The following SP6 variants were observed in gnomAD, a reference collection of about 807,000 sequenced individuals.
The protein encoded by SP6 is Sp6 transcription factor.
In SP6, 10 loss-of-function variants were observed where a neutral mutation model predicts 23.4. That is an observed-to-expected ratio of 0.43 (90% CI 0.26 to 0.72). The LOEUF is 0.72. SP6 is among the 30% of genes least tolerant of loss of function. The pLI, the probability that SP6 is intolerant of heterozygous loss-of-function variation, is 0.23. For missense variants in SP6, 482 were observed against 523.8 expected (o/e 0.92, Z 0.78); for synonymous variants, 238 against 238.7 (o/e 1.00, Z 0.03).
At chr17:47,851,820 G>A (rs1166645475), upstream of SP6, among the ~76,000 whole-genome samples, 2 of 150,322 alleles carry the variant, frequency 1.3e-5, no homozygotes, top group African/African-American at 4.9e-5. Context: ...ATCCCTCTCT[G>A]ACCTTTCTGG....
rs922570269 is a variant in SP6 at position 47,847,705 on chromosome 17, G to T, written c.725C>A (p.Pro242Gln). Residue 242 changes from proline to glutamine, a missense_variant, in exon 2 of 2, where the codon CCA becomes CAA. Around this residue, in one of 3 missense-constraint regions of SP6, gnomAD observed 330 missense variants for 332.3 expected, o/e 0.99. Coordinates refer to ENST00000536300, the MANE Select transcript of SP6 (RefSeq NM_001258248.2). The stretch of plus-strand genomic sequence containing the variant: ...CTTCTTGCCCCCATCGGGCCCACAT[G>T]GAGCCCCCAGTCGCTCCGCCTCCAG... ...NCLEAERLGA[P>Q]CGPDGGKKKH... 1 of 1,603,788 alleles carries T rather than the reference G, an allele frequency of 6.2e-7. No homozygotes were observed. The highest frequency in any genetic ancestry group is 8.5e-7 in the Non-Finnish European group (1 of 1,174,052).
Position 47,848,196 on chromosome 17 carries a change from G to A in SP6, c.234C>T (p.Cys78=), listed in dbSNP as rs777556920. The part of the protein sequence containing the change: ...ELPGASSRVT[C]EDLESDSPLA... ...AGGGACTGTCGCTTTCCAGGTCCTCGCAGGTTACCCGCGAGGAGGCCCCTG... is the reference window on the plus strand; with the variant it reads ...AGGGACTGTCGCTTTCCAGGTCCTCACAGGTTACCCGCGAGGAGGCCCCTG... The change falls in exon 2 of 2, where the codon TGC becomes TGT. Residue 78 remains cysteine, a synonymous_variant. Transcript: ENST00000536300. The surrounding 1 kb of genome is among the most constrained non-coding windows in gnomAD (Gnocchi z 5.3). 6.2e-6 allele frequency: 10 copies of A among 1,612,906 alleles called. No homozygotes were observed. Among genetic ancestry groups the A allele is most frequent in the South Asian group, 1.1e-5 (1 of 91,082 alleles).
the SP6 span, chr17:47,864,410 G>A: frequency 6.6e-6 from 1 of 151,564 alleles, no homozygotes; most frequent in Non-Finnish European, 1.5e-5. Context: ...GACTACAGGT[G>A]CGCCACCACA....
upstream of SP6, among the ~76,000 whole-genome samples, chr17:47,860,557 T>C (rs62066132): frequency 0.12 from 18,451 of 152,110 alleles, 1,396 homozygotes; most frequent in Middle Eastern, 0.21. Context: ...CAGAGGTTGG[T>C]GAGTTCTCTA....
the SP6 span, among the ~76,000 whole-genome samples, chr17:47,871,672 G>A: frequency 6.6e-6 from 1 of 150,610 alleles, no homozygotes; most frequent in East Asian, 1.9e-4. Context: ...AGGCTGGAGT[G>A]CAGTGGCGTG....
At chr17:47,860,185 G>A (rs1014328125), upstream of SP6, among the ~76,000 whole-genome samples, 3 of 151,946 alleles carry the variant, frequency 2.0e-5, no homozygotes, top group Non-Finnish European at 4.4e-5. Context: ...ATATTTTCAC[G>A]CCCCACACTG....
At chr17:47,873,994 CTT>C in the SP6 span, among the ~76,000 whole-genome samples, 2 of 150,748 alleles carry the variant, frequency 1.3e-5, no homozygotes, top group Admixed American at 6.6e-5. Flanking sequence ...TCCTCTTCCT[CTT>C]TTTCTTCTCC....
Position 47,848,501 on chromosome 17 carries a change from G to A in SP6, c.-57-15C>T. 7.3e-7 allele frequency: 1 copy of A among 1,377,662 alleles called. No homozygotes were observed. Among genetic ancestry groups the A allele is most frequent in the South Asian group, 1.5e-5 (1 of 65,160 alleles). The allele number at this position is 1,377,662 out of a possible 1,614,324, so 85.3% of individuals were successfully genotyped here. A position where few individuals can be genotyped will look rare whatever the true frequency, so the allele number is the denominator to read the frequency against. ...TCAGACGGGACCTAAAGGAGGCGAA[G>A]AAGCAGAAAAGTAAGGGAAATAACC... On this transcript the variant is annotated splice_polypyrimidine_tract_variant and intron_variant, in intron 1 of 1. Transcript: ENST00000536300. The surrounding 1 kb of genome is among the most constrained non-coding windows in gnomAD (Gnocchi z 5.3).
upstream of SP6, among the ~76,000 whole-genome samples, chr17:47,860,687 G>A (rs2034029413): frequency 7.1e-6 from 1 of 140,480 alleles, no homozygotes; most frequent in Non-Finnish European, 1.5e-5. Flanking sequence ...AACATAGTAA[G>A]ACTCCGACTC....
At position 47,848,523 on chromosome 17, in the gene SP6, A is replaced by C; in HGVS notation, c.-57-37T>G. ...GAAGAAGCAGAAAAGTAAGGGAAAT[A>C]ACCAGCTCACTTTCCCTCCTAACCC... On this transcript the variant is annotated intron_variant, in intron 1 of 1. Coordinates refer to ENST00000536300, the MANE Select transcript of SP6 (RefSeq NM_001258248.2). This position sits in a 1 kb window ranked among gnomAD's most constrained non-coding sequence, Gnocchi z 5.3. 8.1e-7 allele frequency: 1 copy of C among 1,237,358 alleles called. No individual in the cohort carries two copies. Among genetic ancestry groups the C allele is most frequent in the Non-Finnish European group, 1.1e-6 (1 of 909,454 alleles). 76.6% of individuals were successfully genotyped at this position (1,237,358 alleles called of 1,614,324 possible).
chr17:47,867,020 G>T, the SP6 span, among the ~76,000 whole-genome samples: 1 of 152,148 alleles, frequency 6.6e-6, no homozygotes, highest in Non-Finnish European at 1.5e-5. Context: ...GGAATGGGCC[G>T]GGCTGGCAGG....
At chr17:47,862,423 G>A in the SP6 span, among the ~76,000 whole-genome samples, 27 of 148,068 alleles carry the variant, frequency 1.8e-4, no homozygotes, top group African/African-American at 6.3e-4. Context: ...CACGAGAATC[G>A]TTTGAACCTG....
chr17:47,874,082 C>T, the SP6 span, among the ~76,000 whole-genome samples: 3 of 150,906 alleles, frequency 2.0e-5, no homozygotes, highest in African/African-American at 7.3e-5. Context: ...CTTCCCTCCT[C>T]CTTCTTCTTC....
chr17:47,866,280 A>T, the SP6 span, among the ~76,000 whole-genome samples: 4,344 of 152,132 alleles, frequency 0.029, 204 homozygotes, highest in African/African-American at 0.099. Flanking sequence ...AGGGCAGGGA[A>T]GAAAGGTGGA....
At position 47,847,865 on chromosome 17, in the gene SP6, C is replaced by T. The variant is rs767064330; in HGVS notation, c.565G>A (p.Ala189Thr). Residue 189 changes from alanine (A) to threonine (T), a missense_variant, in exon 2 of 2, where the codon GCT (alanine) becomes ACT (threonine). By Grantham distance (58) the Ala-to-Thr change is moderately conservative. Coordinates refer to ENST00000536300, the MANE Select transcript of SP6 (RefSeq NM_001258248.2). Reference sequence around the variant, plus strand: ...GGGGCGGCTACTTCCAAGGCCTTAGCCCCGTCGGGCGGCCCTAGGAGATGC... The same window carrying T: ...GGGGCGGCTACTTCCAAGGCCTTAGTCCCGTCGGGCGGCCCTAGGAGATGC... ...GQHLLGPPDG[A>T]KALEVAAPES... 4.7e-5 allele frequency: 72 copies of T among 1,537,622 alleles called. No individual in the cohort carries two copies. The highest frequency in any genetic ancestry group is 5.9e-5 in the Non-Finnish European group (67 of 1,142,516).
At chr17:47,865,418 C>T in the SP6 span, among the ~76,000 whole-genome samples, 2 of 152,098 alleles carry the variant, frequency 1.3e-5, no homozygotes, top group African/African-American at 2.4e-5. Context: ...AAGAAGGTAC[C>T]GCTTGGCTCC....
the SP6 span, among the ~76,000 whole-genome samples, chr17:47,874,955 G>A: frequency 6.6e-6 from 1 of 152,030 alleles, no homozygotes; most frequent in Admixed American, 6.5e-5. Context: ...TTCCACAGGG[G>A]AGAGGGGCCT....
rs2033947418 is a variant in SP6 at position 47,850,901 on chromosome 17, C to G, written c.-58+18G>C. On this transcript the variant is annotated intron_variant, in intron 1 of 1. Transcript: ENST00000536300. ...CTCCGTAGCGCTCACCCCTGGCCACCCCGACCCGCGCTCCTACCTCGAGGC... is the reference window on the plus strand; with the variant it reads ...CTCCGTAGCGCTCACCCCTGGCCACGCCGACCCGCGCTCCTACCTCGAGGC... 6.6e-6 allele frequency: 1 copy of G among 152,358 alleles called. No individual in the cohort carries two copies. Among genetic ancestry groups the G allele is most frequent in the South Asian group, 2.1e-4 (1 of 4,836 alleles). The allele number at this position is 152,358 out of a possible 1,614,324, so 9.4% of individuals were successfully genotyped here. A position where few individuals can be genotyped will look rare whatever the true frequency, so the allele number is the denominator to read the frequency against.
In SP6 at chr17:47,848,016, C is replaced by G. The variant is rs750647938; in HGVS notation, c.414G>C (p.Ala138=). 3.5e-5 allele frequency: 56 copies of G among 1,608,256 alleles called. No homozygotes were observed. The highest frequency in any genetic ancestry group is 4.8e-5 in the Non-Finnish European group (56 of 1,177,856). ...CCCCCGGGTGGCCAGGTGAGGTCAG[C>G]GCGCCCTGAGTGTGGGGGAGGTCCA... ...SWMDLPHTQG[A]LTSPGHPGAL... The change falls in exon 2 of 2, where the codon GCG becomes GCC. Residue 138 remains alanine, a synonymous_variant. Coordinates refer to ENST00000536300, the MANE Select transcript of SP6 (RefSeq NM_001258248.2). The surrounding 1 kb of genome is among the most constrained non-coding windows in gnomAD (Gnocchi z 5.3).
Sources: gnomAD v4.1 joint callset for allele counts (sites outside exome capture counted in the v4.1 genomes callset) on GRCh38, gnomAD v4.1.1 for gene constraint, gnomAD v4.1.1 regional missense constraint, Gnocchi (gnomAD v3.1) non-coding constraint, MANE v1.5 for transcripts, NCBI Gene and HGNC (gene_info 2026-07-23, HGNC 2026-07-21) for gene names.